CPXM2: variants seen among roughly 807,000 people sequenced by gnomAD.
CPXM2 encodes the protein carboxypeptidase X, M14 family member 2.
In CPXM2, 66 loss-of-function variants were observed where a neutral mutation model predicts 86.1. The ratio of observed to expected loss-of-function variants is 0.77; its 90% CI spans 0.63 to 0.94. The LOEUF is 0.94. Ranked by LOEUF, CPXM2 falls within the 40% of genes least tolerant of loss-of-function variation. The probability of loss-of-function intolerance (pLI) is 0.00; values close to 1 mark genes in which losing one functional copy is unlikely to be tolerated. For missense variants in CPXM2, 948 were observed against 1,026.3 expected (o/e 0.92, Z 1.04); for synonymous variants, 388 against 400.2 (o/e 0.97, Z 0.36).
intron 1 of CPXM2, among the ~76,000 whole-genome samples, chr10:123,883,163 G>A (rs1017970065): frequency 1.7e-4 from 26 of 152,214 alleles, no homozygotes; most frequent in African/African-American, 6.3e-4. Context: ...TGGATGTCAG[G>A]CGAAGGTCCT....
chr10:123,797,871 A>C, intron 6 of CPXM2, 105 bp downstream of exon 6: 2 of 1,114,928 alleles, frequency 1.8e-6, no homozygotes, highest in Non-Finnish European at 1.2e-6. Context: ...TACAGGCATG[A>C]GCTACTGTGC....
intron 2 of CPXM2, among the ~76,000 whole-genome samples, chr10:123,915,201 A>C (rs1945525580): frequency 6.6e-6 from 1 of 152,034 alleles, no homozygotes; most frequent in Admixed American, 6.5e-5. Flanking sequence ...TGCCTCACAC[A>C]TCTGACTCTG....
At chr10:123,907,371 T>TG (rs1945451714) in intron 2 of CPXM2, among the ~76,000 whole-genome samples, 1 of 152,236 alleles carries the variant, frequency 6.6e-6, no homozygotes, top group African/African-American at 2.4e-5. Context: ...CACATTTCTG[T>TG]GCTTTATGCA....
chr10:123,837,450 T>C (rs1488202407), intron 4 of CPXM2, among the ~76,000 whole-genome samples: 2 of 152,182 alleles, frequency 1.3e-5, no homozygotes, highest in Non-Finnish European at 2.9e-5. Context: ...ATTGAAAAGA[T>C]TTGGTTACTT....
At chr10:123,840,207 A>G (rs937300526) in intron 4 of CPXM2, among the ~76,000 whole-genome samples, 2 of 152,206 alleles carry the variant, frequency 1.3e-5, no homozygotes, top group African/African-American at 2.4e-5. Context: ...GAGCAACCCA[A>G]CTGCCCCCTT....
chr10:123,847,757 AT>A (rs1479959078), intron 3 of CPXM2, among the ~76,000 whole-genome samples: 1 of 152,182 alleles, frequency 6.6e-6, no homozygotes, highest in Non-Finnish European at 1.5e-5. Context: ...TCTACTGTTG[AT>A]TCTTTCATTT....
intron 10 of CPXM2, among the ~76,000 whole-genome samples, chr10:123,764,773 CCTTT>C (rs2133994129): frequency 6.6e-6 from 1 of 152,052 alleles, no homozygotes; most frequent in African/African-American, 2.4e-5. Context: ...AATTAATCTC[CCTTT>C]CTTTGGGTTT....
At chr10:123,772,075 T>G (rs1846647461) in intron 7 of CPXM2, among the ~76,000 whole-genome samples, 1 of 152,180 alleles carries the variant, frequency 6.6e-6, no homozygotes, top group African/African-American at 2.4e-5. Flanking sequence ...TGGTTGTGAT[T>G]ATCAACTCCC....
chr10:123,794,251 C>A (rs1412225300), intron 6 of CPXM2, among the ~76,000 whole-genome samples: 1 of 152,148 alleles, frequency 6.6e-6, no homozygotes, highest in African/African-American at 2.4e-5. Flanking sequence ...GGAGGACAGT[C>A]GCTCAGACCT....
intron 3 of CPXM2, among the ~76,000 whole-genome samples, chr10:123,851,151 T>C (rs1384099481): frequency 6.6e-6 from 1 of 152,196 alleles, no homozygotes; most frequent in African/African-American, 2.4e-5. Context: ...ATAACCACAG[T>C]GTAGCTCCAG....
upstream of CPXM2, among the ~76,000 whole-genome samples, chr10:123,894,719 C>T (rs949427464): frequency 6.6e-6 from 1 of 152,140 alleles, no homozygotes; most frequent in Non-Finnish European, 1.5e-5. Context: ...GTCATCTTGG[C>T]CCCATCTCTC....
chr10:123,847,155 T>G (rs990661956), intron 3 of CPXM2, among the ~76,000 whole-genome samples: 10 of 152,212 alleles, frequency 6.6e-5, no homozygotes, highest in Admixed American at 2.6e-4. Flanking sequence ...TAGCCTCATC[T>G]TCCAGAATAG....
intron 2 of CPXM2, among the ~76,000 whole-genome samples, chr10:123,914,416 G>GTTC (rs1945518054): frequency 6.6e-6 from 1 of 152,084 alleles, no homozygotes; most frequent in South Asian, 2.1e-4. Context: ...AGGGAAGCCT[G>GTTC]TTCATTCTAC....
At chr10:123,787,287 C>A (rs374325956) in intron 6 of CPXM2, among the ~76,000 whole-genome samples, 7 of 152,308 alleles carry the variant, frequency 4.6e-5, no homozygotes, top group African/African-American at 1.7e-4. Flanking sequence ...TTGGCAGCAT[C>A]AGAACCCATC....
At chr10:123,870,408 G>A (rs976740461) in intron 2 of CPXM2, among the ~76,000 whole-genome samples, 19 of 152,174 alleles carry the variant, frequency 1.2e-4, no homozygotes, top group African/African-American at 4.3e-4. Flanking sequence ...GACGTGGTGG[G>A]CGCTGCCAAG....
chr10:123,759,674 C>T (rs925945160), intron 11 of CPXM2, among the ~76,000 whole-genome samples: 7 of 152,240 alleles, frequency 4.6e-5, no homozygotes, highest in Non-Finnish European at 1.0e-4. Flanking sequence ...TGTGTTCTCT[C>T]CCTGACTGGC....
intron 13 of CPXM2, chr10:123,751,875 A>G: frequency 1.0e-6 from 1 of 985,306 alleles, no homozygotes; most frequent in Non-Finnish European, 1.2e-6. Context: ...GGGAAAATCA[A>G]GGGAGGGAGA....
chr10:123,878,709 G>A (rs1433394370), intron 2 of CPXM2, among the ~76,000 whole-genome samples: 1 of 151,854 alleles, frequency 6.6e-6, no homozygotes, highest in East Asian at 1.9e-4. Flanking sequence ...AATTAACAAG[G>A]CAGTGAAGAA....
chr10:123,815,430 T>C (rs1423720533), intron 4 of CPXM2, among the ~76,000 whole-genome samples: 1 of 152,164 alleles, frequency 6.6e-6, no homozygotes, highest in African/African-American at 2.4e-5. Context: ...TGGAAAAGAA[T>C]GGGATCCTGC....
Sources: allele counts gnomAD v4.1 joint callset (sites outside exome capture counted in the v4.1 genomes callset), GRCh38; gene constraint gnomAD v4.1.1; transcripts MANE v1.5; gene names NCBI Gene and HGNC (gene_info 2026-07-23, HGNC 2026-07-21).